Variants in VPS13B observed in about 807,000 individuals in gnomAD.
The protein encoded by VPS13B is intermembrane lipid transfer protein VPS13B.
Under a neutral mutation model 426.4 loss-of-function variants are expected in VPS13B, and 285 were observed. The observed-to-expected ratio is 0.67, with a 90% CI of 0.61 to 0.74. The LOEUF (loss-of-function observed/expected upper bound fraction) is 0.74. VPS13B is among the 30% of genes least tolerant of loss of function. The pLI is 0.00. For synonymous variants in VPS13B, 1,676 were observed against 1,676.4 expected, an observed-to-expected ratio of 1.00 and a Z score of 0.01; for missense variants, 4,537 against 4,782.6, an observed-to-expected ratio of 0.95 and a Z score of 1.51.
At chr8:99,247,976 T>C (rs1393710481) in intron 17 of VPS13B, among the ~76,000 whole-genome samples, 1 of 152,180 alleles carries the variant, frequency 6.6e-6, no homozygotes, top group Non-Finnish European at 1.5e-5. Context: ...TTACATACAC[T>C]GTTCCTAAGT....
At chr8:99,624,122 G>A (rs996141162) in intron 33 of VPS13B, among the ~76,000 whole-genome samples, 1 of 148,946 alleles carries the variant, frequency 6.7e-6, no homozygotes, top group Non-Finnish European at 1.5e-5. Flanking sequence ...ACAGAGATTG[G>A]AAAATGTCAT....
At chr8:99,014,050 A>T in intron 2 of VPS13B, 115 bp downstream of exon 2, 1 of 1,192,210 alleles carries the variant, frequency 8.4e-7, no homozygotes, top group Non-Finnish European at 1.2e-6. Context: ...CTACTGATGT[A>T]TTTTGAGCTA....
intron 13 of VPS13B, among the ~76,000 whole-genome samples, chr8:99,146,292 T>C (rs970181311): frequency 3.3e-5 from 5 of 152,212 alleles, no homozygotes; most frequent in African/African-American, 1.2e-4. Context: ...AGCACCATCC[T>C]TTCTTTATTG....
At chr8:99,780,881 A>G (rs138785396) in intron 42 of VPS13B, among the ~76,000 whole-genome samples, 6 of 152,272 alleles carry the variant, frequency 3.9e-5, no homozygotes, top group African/African-American at 1.4e-4. Context: ...TGTTTCTAAG[A>G]TGTTCTGAAT....
chr8:99,087,764 T>C (rs1194398457), intron 3 of VPS13B, among the ~76,000 whole-genome samples: 3 of 152,106 alleles, frequency 2.0e-5, no homozygotes, highest in Non-Finnish European at 4.4e-5. Context: ...ATAACTTGTA[T>C]TTTAAATGAG....
At chr8:99,467,309 C>T (rs1819162331) in intron 23 of VPS13B, 105 bp from the exon 24 acceptor site, 2 of 1,133,942 alleles carry the variant, frequency 1.8e-6, no homozygotes, top group Admixed American at 3.4e-5. Flanking sequence ...TTTTATGATG[C>T]AGTATTAGTC....
intron 33 of VPS13B, among the ~76,000 whole-genome samples, chr8:99,610,206 G>A (rs1827782117): frequency 6.6e-6 from 1 of 152,128 alleles, no homozygotes. Context: ...TCTAGAACCA[G>A]AAATACCATT....
chr8:99,417,671 A>G (rs191502170), intron 21 of VPS13B, among the ~76,000 whole-genome samples: 4 of 152,316 alleles, frequency 2.6e-5, no homozygotes, highest in Middle Eastern at 3.4e-3. Context: ...AGACATTCAT[A>G]TCTTTACTTT....
intron 43 of VPS13B, among the ~76,000 whole-genome samples, chr8:99,802,066 C>T (rs773059984): frequency 7.9e-5 from 12 of 151,832 alleles, no homozygotes; most frequent in Non-Finnish European, 1.2e-4. Context: ...GGGAGGATCA[C>T]TTGAGCCCAG....
chr8:99,136,637 T>G, intron 11 of VPS13B, 28 bp from the exon 12 acceptor site: 2 of 1,612,160 alleles, frequency 1.2e-6, no homozygotes, highest in Non-Finnish European at 1.7e-6. Context: ...ATACAATGTT[T>G]ATTCTGTTTG....
intron 19 of VPS13B, among the ~76,000 whole-genome samples, chr8:99,361,359 T>A (rs1184515232): frequency 6.6e-6 from 1 of 152,242 alleles, no homozygotes; most frequent in Non-Finnish European, 1.5e-5. Context: ...TTTTAGGCTT[T>A]GTGGCATGGT....
At chr8:99,137,227 A>G (rs1452393672) in intron 12 of VPS13B, among the ~76,000 whole-genome samples, 1 of 150,530 alleles carries the variant, frequency 6.6e-6, no homozygotes, top group Non-Finnish European at 1.5e-5. Context: ...TTGGAAATAA[A>G]TGACGTTTAA....
At position 99,265,212 on chromosome 8, in the gene VPS13B, A is replaced by G. The variant is rs527517136; in HGVS notation, c.2516-8986A>G. ...ATAATATCTGCCTGTCACATTTGTG[A>G]TTTCCATCTAATATTTAACAATCCT... is the stretch of plus-strand genomic sequence containing the variant. On this transcript the variant is annotated intron_variant, in intron 17 of 61. Transcript: ENST00000357162. 2.6e-5 allele frequency among the ~76,000 whole-genome samples: 4 copies of G among 152,090 alleles called. No homozygotes were observed. The East Asian group carries it at 5.8e-4, about 22-fold the overall frequency.
chr8:99,791,085 T>C (rs892339532), intron 43 of VPS13B, among the ~76,000 whole-genome samples: 6 of 152,034 alleles, frequency 3.9e-5, no homozygotes, highest in African/African-American at 1.2e-4. Flanking sequence ...CGGATGACAG[T>C]GGAGGAGTAC....
intron 43 of VPS13B, among the ~76,000 whole-genome samples, chr8:99,794,080 G>A (rs1308056342): frequency 6.6e-6 from 1 of 152,190 alleles, no homozygotes; most frequent in Non-Finnish European, 1.5e-5. Flanking sequence ...GGGCAACATA[G>A]CAAGACCCTG....
At chr8:99,679,589 A>G (rs764552627) in intron 35 of VPS13B, among the ~76,000 whole-genome samples, 3 of 152,220 alleles carry the variant, frequency 2.0e-5, no homozygotes, top group Non-Finnish European at 4.4e-5. Context: ...TATTCAGGTC[A>G]AGAACCTTTC....
At chr8:99,274,097 G>A (rs1818761724) in intron 17 of VPS13B, 101 bp from the exon 18 acceptor site, 2 of 1,480,678 alleles carry the variant, frequency 1.4e-6, no homozygotes, top group African/African-American at 1.4e-5. Context: ...AACATCTGAG[G>A]TAGACAGTTA....
At chr8:99,144,357 G>A (rs1244852529) in intron 13 of VPS13B, among the ~76,000 whole-genome samples, 1 of 151,594 alleles carries the variant, frequency 6.6e-6, no homozygotes, top group Non-Finnish European at 1.5e-5. Context: ...AAATTAGTTG[G>A]GTGTGGTGGT....
In VPS13B at chr8:99,848,849, T is replaced by C; in HGVS notation, c.10016T>C (p.Val3339Ala). Reference protein sequence around the residue: ...VHQCGTVFITVAPEGKAGPIL... With the variant: ...VHQCGTVFITAAPEGKAGPIL... ...CAGTGTGGCACAGTCTTCATCACTG[T>C]GGCCCCAGAAGGAAAAGCAGGACCT... Residue 3339 changes from valine (V) to alanine (A), a missense_variant, in exon 55 of 62, where the codon GTG becomes GCG. By Grantham distance (64) the Val-to-Ala change is moderately conservative. Coordinates refer to ENST00000357162, the MANE Select transcript of VPS13B (RefSeq NM_152564.5). 2.5e-6 allele frequency: 4 copies of C among 1,614,180 alleles called. No homozygotes were observed. Among genetic ancestry groups the C allele is most frequent in the Non-Finnish European group, 3.4e-6 (4 of 1,180,010 alleles).
Sources: gnomAD v4.1 joint callset for allele counts (sites outside exome capture counted in the v4.1 genomes callset) on GRCh38, gnomAD v4.1.1 for gene constraint, MANE v1.5 for transcripts, NCBI Gene and HGNC (gene_info 2026-07-23, HGNC 2026-07-21) for gene names.